The following PCDHAC2 variants were observed in gnomAD, a reference collection of about 807,000 sequenced individuals.
PCDHAC2 encodes protocadherin alpha subfamily C, 2.
A neutral mutation model predicts 63.3 loss-of-function variants in PCDHAC2; 24 were observed. That is an observed-to-expected ratio of 0.38 (90% CI 0.27 to 0.53). The LOEUF is 0.53. Ranked by LOEUF, PCDHAC2 falls within the 20% of genes least tolerant of loss-of-function variation. PCDHAC2 has a pLI of 0.81. For synonymous variants in PCDHAC2, 569 were observed against 529.4 expected (o/e 1.07, Z -1.03); for missense variants, 1,181 against 1,275.2 (o/e 0.93, Z 1.12).
chr5:140,986,826 A>G (rs902801115), intron 3 of PCDHAC2, among the ~76,000 whole-genome samples: 1 of 152,178 alleles, frequency 6.6e-6, no homozygotes, highest in Non-Finnish European at 1.5e-5. Flanking sequence ...GGTTTAGACA[A>G]TGGTTCTCAA....
rs1554231542 is a variant in PCDHAC2, at chr5:140,969,176, G to T, written c.2410G>T (p.Asp804Tyr). The T allele has an allele frequency of 6.2e-7, 1 of 1,614,102 alleles. No individual in the cohort carries two copies. The highest frequency in any genetic ancestry group is 1.3e-5 in the African/African-American group (1 of 75,014). ...CTGTCTGACAGCAGGCTCAGGGAGT[G>T]ACACTTTCATGTTTTACAATACAGG... Reference protein sequence around the residue: ...KACLTAGSGSDTFMFYNTGAQ... With the variant: ...KACLTAGSGSYTFMFYNTGAQ... Residue 804 changes from aspartate (D) to tyrosine (Y), a missense_variant, in exon 1 of 4, where the codon GAC (aspartate) becomes TAC (tyrosine). Asp to Tyr is a radical substitution (Grantham distance 160). Transcript: ENST00000289269.
chr5:140,992,845 C>T (rs2097530741), intron 3 of PCDHAC2, among the ~76,000 whole-genome samples: 1 of 152,148 alleles, frequency 6.6e-6, no homozygotes, highest in African/African-American at 2.4e-5. Context: ...TTTTGTATAA[C>T]AACCAGTTTC....
At chr5:140,993,523 C>CAG (rs111789518) in intron 3 of PCDHAC2, among the ~76,000 whole-genome samples, 24 of 145,748 alleles carry the variant, frequency 1.6e-4, no homozygotes, top group African/African-American at 5.0e-4. Flanking sequence ...GAGAGAGAGA[C>CAG]AGAGAGAGAG....
chr5:140,969,347 G>C lies in PCDHAC2; in HGVS notation c.2565+16G>C, dbSNP rs1554231707. ...TCAAAATGAGGTGAGACAGTGGTCA[G>C]GGGGTCTTCTACAAACTCATGCATT... On this transcript the variant is annotated intron_variant, in intron 1 of 3. Coordinates refer to ENST00000289269, the MANE Select transcript of PCDHAC2 (RefSeq NM_018899.6). The C allele has an allele frequency of 6.2e-7, 1 of 1,613,472 alleles. No individual in the cohort carries two copies. The highest frequency in any genetic ancestry group is 1.1e-5 in the South Asian group (1 of 90,866).
Position 141,009,714 on chromosome 5 carries a change from A to G in PCDHAC2, c.2801A>G (p.Lys934Arg), listed in dbSNP as rs1175529844. 1 of 1,613,966 alleles carries G rather than the reference A, an allele frequency of 6.2e-7. No homozygotes were observed. Among genetic ancestry groups the G allele is most frequent in the Non-Finnish European group, 8.5e-7 (1 of 1,180,012 alleles). Reference protein sequence around the residue: ...WTFKYGPGNPKQSGPGELPDK... With the variant: ...WTFKYGPGNPRQSGPGELPDK... ...TTTAAATACGGACCAGGCAACCCCA[A>G]ACAATCCGGTCCCGGTGAGTTGCCC... The change falls in exon 4 of 4, where the codon AAA becomes AGA. Residue 934 changes from lysine to arginine, a missense_variant. By Grantham distance (26) the Lys-to-Arg change is conservative. Transcript: ENST00000289269.
chr5:140,994,911 A>C (rs527704488), intron 3 of PCDHAC2, among the ~76,000 whole-genome samples: 4 of 152,222 alleles, frequency 2.6e-5, no homozygotes, highest in African/African-American at 9.6e-5. Flanking sequence ...TGTAGACTGG[A>C]ATCAGATTTT....
intron 1 of PCDHAC2, 111 bp downstream of exon 1, chr5:140,969,442 T>G (rs1554231813): frequency 1.6e-5 from 25 of 1,543,830 alleles, no homozygotes; most frequent in Non-Finnish European, 2.2e-5. Flanking sequence ...AGTTATCTGG[T>G]AAACTGAGTA....
At position 140,967,740 on chromosome 5, in the gene PCDHAC2, A is replaced by G; in HGVS notation, c.974A>G (p.Tyr325Cys). ...GTGCGAGTAATTGGGGGGCTGGATT[A>G]TGAGGAAGCCTCCTCCTACCAGATC... ...GEVRVIGGLD[Y>C]EEASSYQIYV... Residue 325 changes from tyrosine to cysteine, a missense_variant, in exon 1 of 4, where the codon TAT becomes TGT. Tyr to Cys is a radical substitution (Grantham distance 194). This residue lies in a region of PCDHAC2 where 968 missense variants were observed against 1,073.5 expected (regional missense o/e 0.90). Coordinates refer to ENST00000289269, the MANE Select transcript of PCDHAC2 (RefSeq NM_018899.6). 6 of 1,614,170 alleles carry G rather than the reference A, an allele frequency of 3.7e-6. No individual in the cohort carries two copies. The highest frequency in any genetic ancestry group is 5.1e-6 in the Non-Finnish European group (6 of 1,180,030).
intron 1 of PCDHAC2, among the ~76,000 whole-genome samples, chr5:140,973,225 G>A (rs1554235003): frequency 6.6e-6 from 1 of 152,180 alleles, no homozygotes; most frequent in African/African-American, 2.4e-5. Flanking sequence ...TCCAGGTATA[G>A]TGACCTGAAA....
intron 3 of PCDHAC2, among the ~76,000 whole-genome samples, chr5:141,001,278 C>A (rs182360019): frequency 6.6e-6 from 1 of 152,050 alleles, no homozygotes; most frequent in Non-Finnish European, 1.5e-5. Flanking sequence ...ACTTTTTTTA[C>A]GGATGAAAAC....
intron 1 of PCDHAC2, among the ~76,000 whole-genome samples, chr5:140,969,881 G>A (rs1554232131): frequency 6.6e-6 from 1 of 152,196 alleles, no homozygotes; most frequent in African/African-American, 2.4e-5. Context: ...CTATGTGATA[G>A]GATCCTCTGG....
chr5:140,995,918 G>A (rs1303145667), intron 3 of PCDHAC2, among the ~76,000 whole-genome samples: 1 of 152,180 alleles, frequency 6.6e-6, no homozygotes, highest in Non-Finnish European at 1.5e-5. Flanking sequence ...GAGACCATAG[G>A]CTGTTGTAAG....
chr5:140,999,027 T>A (rs2097843534), intron 3 of PCDHAC2, among the ~76,000 whole-genome samples: 1 of 152,262 alleles, frequency 6.6e-6, no homozygotes, highest in Admixed American at 6.5e-5. Flanking sequence ...AGACTTTTGA[T>A]ACTTCGTCCA....
rs2098416660 is a variant in PCDHAC2, at chr5:141,010,249, T to C, written c.*312T>C. ...GCCCCGCCAGTGAGAGGTTGGACTC[T>C]CTGCCCTGTGCTCCGGGGATCCTGT... On this transcript the variant is annotated 3_prime_UTR_variant, in exon 4 of 4. Coordinates refer to ENST00000289269, the MANE Select transcript of PCDHAC2 (RefSeq NM_018899.6). 2 of 1,551,772 alleles carry C rather than the reference T, an allele frequency of 1.3e-6. No homozygotes were observed. Among genetic ancestry groups the C allele is most frequent in the Non-Finnish European group, 1.7e-6 (2 of 1,147,036 alleles).
At chr5:140,978,873 A>G in intron 1 of PCDHAC2, 76 bp from the exon 2 acceptor site, 2 of 1,608,618 alleles carry the variant, frequency 1.2e-6, no homozygotes, top group Non-Finnish European at 1.7e-6. Flanking sequence ...TAAGGGAGTA[A>G]CTAATCAATT....
At chr5:140,985,386 T>A (rs2097149117) in intron 3 of PCDHAC2, among the ~76,000 whole-genome samples, 1 of 152,170 alleles carries the variant, frequency 6.6e-6, no homozygotes, top group African/African-American at 2.4e-5. Context: ...TATAATCCAG[T>A]CACCCCAACT....
chr5:140,981,794 T>G (rs1290588653), intron 2 of PCDHAC2, among the ~76,000 whole-genome samples: 2 of 152,150 alleles, frequency 1.3e-5, no homozygotes, highest in Non-Finnish European at 2.9e-5. Flanking sequence ...CTCTTTTCCC[T>G]TGAACAGTTT....
At position 140,968,319 on chromosome 5, in the gene PCDHAC2, TCAC is replaced by T; in HGVS notation, c.1555_1557del (p.Thr519del). 6.2e-7 allele frequency: 1 copy of T among 1,613,996 alleles called. No individual in the cohort carries two copies. The highest frequency in any genetic ancestry group is 2.2e-5 in the East Asian group (1 of 44,874). On this transcript the variant is annotated inframe_deletion, in exon 1 of 4. Transcript: ENST00000289269. The stretch of plus-strand genomic sequence containing the variant: ...GAGAGGGAGATTCAAGGGCTGCCAG[TCAC>T]CTCCTATGTCTCCATTAACAGTGCC...
chr5:140,972,295 G>A (rs551210883), intron 1 of PCDHAC2, among the ~76,000 whole-genome samples: 2 of 151,388 alleles, frequency 1.3e-5, no homozygotes, highest in South Asian at 2.1e-4. Context: ...GTGCGCCACC[G>A]TGTCTGACTA....
Sources: allele counts gnomAD v4.1 joint callset (sites outside exome capture counted in the v4.1 genomes callset), GRCh38; gene constraint gnomAD v4.1.1; regional missense constraint gnomAD v4.1.1; transcripts MANE v1.5; gene names NCBI Gene and HGNC (gene_info 2026-07-23, HGNC 2026-07-21).